The following SLC18B1 variants were observed in gnomAD, a reference collection of about 807,000 sequenced individuals.
SLC18B1 encodes the protein MFS-type transporter SLC18B1.
Under a neutral mutation model 53.9 loss-of-function variants are expected in SLC18B1, and 62 were observed. The ratio of observed to expected loss-of-function variants is 1.15; its 90% confidence interval spans 0.94 to 1.42. The LOEUF (loss-of-function observed/expected upper bound fraction) is 1.42, where lower values mean the gene tolerates loss of function less well. SLC18B1 is among the 40% of genes most tolerant of loss of function. The pLI is 0.00. For synonymous variants in SLC18B1, 217 were observed against 200.9 expected, an observed-to-expected ratio of 1.08 and a Z score of -0.68; for missense variants, 598 against 547.3, an observed-to-expected ratio of 1.09 and a Z score of -0.93.
At position 132,775,559 on chromosome 6, in the gene SLC18B1, C is replaced by G. The variant is rs182392436; in HGVS notation, c.897+769G>C. Among the ~76,000 whole-genome samples the G allele has an allele frequency of 5.3e-5, 8 of 152,236 alleles. No individual in the cohort carries two copies. The East Asian group carries it at 1.5e-3, about 29-fold the overall frequency. On this transcript the variant is annotated intron_variant, in intron 8 of 13. Coordinates refer to ENST00000275227, the MANE Select transcript of SLC18B1 (RefSeq NM_052831.3). ...TGATAAATAAATATGCAAATGAAAT[C>G]AAGGGAAATGCAAAATATAAGCCCT... is the stretch of plus-strand genomic sequence containing the variant.
At chr6:132,788,558 C>T (rs924148239) in intron 4 of SLC18B1, among the ~76,000 whole-genome samples, 17 of 152,044 alleles carry the variant, frequency 1.1e-4, no homozygotes, top group African/African-American at 3.4e-4. Flanking sequence ...TGGTGGCTCA[C>T]GCCTGTAATT....
intron 5 of SLC18B1, among the ~76,000 whole-genome samples, chr6:132,784,475 A>G (rs938521870): frequency 6.6e-6 from 1 of 152,218 alleles, no homozygotes; most frequent in Non-Finnish European, 1.5e-5. Context: ...AAGATAAACA[A>G]CCCATAGAAA....
intron 8 of SLC18B1, 94 bp from the exon 9 acceptor site, chr6:132,774,407 G>A: frequency 1.0e-6 from 1 of 960,796 alleles, no homozygotes; most frequent in South Asian, 1.8e-5. Flanking sequence ...CACAAATCAT[G>A]ATATTCAAAA....
At chr6:132,787,672 C>T (rs1010429233) in intron 4 of SLC18B1, 91 bp from the exon 5 acceptor site, 1 of 1,147,634 alleles carries the variant, frequency 8.7e-7, no homozygotes, top group Non-Finnish European at 1.2e-6. Flanking sequence ...AGAATAGTAC[C>T]TCACTCATGG....
Position 132,769,816 on chromosome 6 carries a change from A to C in SLC18B1, c.*454T>G, listed in dbSNP as rs1450009229. 6.6e-6 allele frequency: 1 copy of C among 152,448 alleles called. No homozygotes were observed. The highest frequency in any genetic ancestry group is 2.4e-5 in the African/African-American group (1 of 41,470). 9.4% of individuals were successfully genotyped at this position (152,448 alleles called of 1,614,324 possible). On this transcript the variant is annotated 3_prime_UTR_variant, in exon 14 of 14. Transcript: ENST00000275227. ...ATCTTTTAAAAACTGATTTCATAGT[A>C]ATGTTTCTACATATTTTGAAGCACC...
intron 6 of SLC18B1, among the ~76,000 whole-genome samples, chr6:132,780,565 GT>G (rs10537572): frequency 0.29 from 22,121 of 76,306 alleles, 2,125 homozygotes; most frequent in Admixed American, 0.34. Context: ...CGTGGTGTTA[GT>G]TTTTTTTTTT....
Position 132,792,288 on chromosome 6 carries a change from A to AAAG in SLC18B1, c.184-2019_184-2017dup, listed in dbSNP as rs770774646. ...GAAAGAAAGAAAGAAAGAAAGGAAG[A>AAAG]AAGGAAGGAAGGAAGGAAGGAAGGA... On this transcript the variant is annotated intron_variant, in intron 2 of 13. Transcript: ENST00000275227. Among the ~76,000 whole-genome samples the AAAG allele has an allele frequency of 4.0e-4, 16 of 39,934 alleles. 2 individuals are homozygous for AAAG. The highest frequency in any genetic ancestry group is 1.9e-3 in the African/African-American group (15 of 7,762). 26.2% of individuals were successfully genotyped at this position (39,934 alleles called of 152,430 possible).
At chr6:132,796,534 A>G (rs1459409100) in intron 2 of SLC18B1, among the ~76,000 whole-genome samples, 2 of 48,324 alleles carry the variant, frequency 4.1e-5, no homozygotes, top group East Asian at 3.6e-4. Context: ...CTCGAAAGGA[A>G]AAAAAAAAAA....
chr6:132,795,534 G>C (rs1296429807), intron 2 of SLC18B1, among the ~76,000 whole-genome samples: 1 of 152,188 alleles, frequency 6.6e-6, no homozygotes, highest in South Asian at 2.1e-4. Context: ...TGGCAATATT[G>C]TTCCTTTAGC....
chr6:132,790,201 C>T lies in SLC18B1; in HGVS notation c.255G>A (p.Leu85=), dbSNP rs1781488303. ...IFGCFALFEL[L]ASLVFGNYLV... ...CATAGTTTCCAAATACCAAGGATGC[C>T]AGCAACTCGAACAAAGCAAAACATC... The change falls in exon 3 of 14, where the codon CTG becomes CTA. Residue 85 remains leucine (L), a synonymous_variant. Coordinates refer to ENST00000275227, the MANE Select transcript of SLC18B1 (RefSeq NM_052831.3). The T allele has an allele frequency of 3.8e-6, 6 of 1,572,522 alleles. No individual in the cohort carries two copies. The highest frequency in any genetic ancestry group is 5.2e-6 in the Non-Finnish European group (6 of 1,157,144).
intron 2 of SLC18B1, among the ~76,000 whole-genome samples, chr6:132,792,346 AGGAAGGAAG>A: frequency 8.4e-6 from 1 of 118,868 alleles, no homozygotes; most frequent in South Asian, 2.7e-4. Context: ...GAAGGAAGGA[AGGAAGGAAG>A]GGAAAGAAAG....
chr6:132,789,947 G>T (rs753165533), intron 3 of SLC18B1, 110 bp from the exon 4 acceptor site: 123 of 724,102 alleles, frequency 1.7e-4, no homozygotes, highest in Non-Finnish European at 2.4e-4. Flanking sequence ...GACATGTACA[G>T]TTAATATATT....
In SLC18B1 at chr6:132,798,578, C is replaced by A; in HGVS notation, c.-122G>T. 9.7e-7 allele frequency: 1 copy of A among 1,031,562 alleles called. No individual in the cohort carries two copies. The highest frequency in any genetic ancestry group is 2.4e-5 in the South Asian group (1 of 42,282). The allele number at this position is 1,031,562 out of a possible 1,614,324, so 63.9% of individuals were successfully genotyped here. A position where few individuals can be genotyped will look rare whatever the true frequency, so the allele number is the denominator to read the frequency against. On this transcript the variant is annotated 5_prime_UTR_variant, in exon 1 of 14. Coordinates refer to ENST00000275227, the MANE Select transcript of SLC18B1 (RefSeq NM_052831.3). Reference sequence around the variant, plus strand: ...CTGCTCAGCTGGAACCTGGCATCCCCGACTCCCTGCAGGCAGCGATCCGCC... The same window carrying A: ...CTGCTCAGCTGGAACCTGGCATCCCAGACTCCCTGCAGGCAGCGATCCGCC...
At position 132,792,280 on chromosome 6, in the gene SLC18B1, A is replaced by AAAGAAAGAAAGAAAG. The variant is rs1554223267; in HGVS notation, c.184-2009_184-2008insCTTTCTTTCTTTCTT. Among the ~76,000 whole-genome samples the AAAGAAAGAAAGAAAG allele has an allele frequency of 3.5e-4, 15 of 42,698 alleles. 3 individuals are homozygous for AAAGAAAGAAAGAAAG. Among genetic ancestry groups the AAAGAAAGAAAGAAAG allele is most frequent in the African/African-American group, 1.9e-3 (15 of 7,868 alleles). The allele number at this position is 42,698 out of a possible 152,430, so 28.0% of individuals were successfully genotyped here. ...GAAAGAAAGAAAGAAAGAAAGAAAGAAAGGAAGAAAGGAAGGAAGGAAGGA... is the reference window on the plus strand; with the variant it reads ...GAAAGAAAGAAAGAAAGAAAGAAAGAAAGAAAGAAAGAAAGAAGGAAGAAAGGAAGGAAGGAAGGA... On this transcript the variant is annotated intron_variant, in intron 2 of 13. Transcript: ENST00000275227.
intron 1 of SLC18B1, among the ~76,000 whole-genome samples, chr6:132,797,807 G>A (rs1475294328): frequency 6.6e-6 from 1 of 151,992 alleles, no homozygotes; most frequent in African/African-American, 2.4e-5. Context: ...CTAATTACTG[G>A]TCTTTTACAT....
intron 8 of SLC18B1, among the ~76,000 whole-genome samples, chr6:132,775,893 GC>G (rs1781086432): frequency 6.6e-6 from 1 of 152,128 alleles, no homozygotes. Flanking sequence ...CATCAAGTGA[GC>G]TTTTTTCATA....
At position 132,798,409 on chromosome 6, in the gene SLC18B1, G is replaced by A. The variant is rs1489980399; in HGVS notation, c.43+5C>T. 6.5e-7 allele frequency: 1 copy of A among 1,527,362 alleles called. No homozygotes were observed. Among genetic ancestry groups the A allele is most frequent in the Non-Finnish European group, 8.8e-7 (1 of 1,135,022 alleles). 94.6% of individuals were successfully genotyped at this position (1,527,362 alleles called of 1,614,324 possible). ...CGGGCTCCCGGCCACGCAATTCATG[G>A]TCACCTCCTGGTGCGCGTGGTCCCT... On this transcript the variant is annotated splice_donor_5th_base_variant and intron_variant, in intron 1 of 13. Transcript: ENST00000275227.
chr6:132,786,465 C>A (rs1451087087), intron 5 of SLC18B1, among the ~76,000 whole-genome samples: 1 of 148,558 alleles, frequency 6.7e-6, no homozygotes, highest in African/African-American at 2.5e-5. Flanking sequence ...AAGAGAATAG[C>A]GTGAACCCGG....
intron 2 of SLC18B1, among the ~76,000 whole-genome samples, chr6:132,792,240 A>C (rs926086628): frequency 1.3e-4 from 1 of 7,922 alleles, no homozygotes; most frequent in African/African-American, 6.7e-4. Context: ...AGAAAGAAAG[A>C]AAGAAAGAAA....
Sources: gnomAD v4.1 joint callset for allele counts (sites outside exome capture counted in the v4.1 genomes callset) on GRCh38, gnomAD v4.1.1 for gene constraint, MANE v1.5 for transcripts, NCBI Gene and HGNC (gene_info 2026-07-23, HGNC 2026-07-21) for gene names.